ARHGAP17: variants seen among roughly 807,000 people sequenced by gnomAD.
ARHGAP17 encodes rho GTPase-activating protein 17.
A neutral mutation model predicts 99.5 loss-of-function variants in ARHGAP17; 57 were observed. The observed-to-expected ratio is 0.57, with a 90% CI of 0.46 to 0.71. The LOEUF (loss-of-function observed/expected upper bound fraction) is 0.71. Ranked by LOEUF, ARHGAP17 falls within the 30% of genes least tolerant of loss-of-function variation. ARHGAP17 has a pLI of 0.00. For synonymous variants in ARHGAP17, 417 were observed against 429.6 expected, an observed-to-expected ratio of 0.97 and a Z score of 0.36; for missense variants, 1,000 against 1,122.4, an observed-to-expected ratio of 0.89 and a Z score of 1.56.
chr16:24,940,611 G>C (rs1255412524), intron 16 of ARHGAP17, among the ~76,000 whole-genome samples: 1 of 152,280 alleles, frequency 6.6e-6, no homozygotes, highest in South Asian at 2.1e-4. Flanking sequence ...TGAGGTGGGA[G>C]GGCTGCCTGA....
chr16:24,951,052 T>A (rs545386879), intron 12 of ARHGAP17, among the ~76,000 whole-genome samples: 45 of 151,304 alleles, frequency 3.0e-4, no homozygotes, highest in African/African-American at 1.1e-3. Context: ...TGGTGAGGAG[T>A]AGGCACTCTG....
intron 3 of ARHGAP17, 141 bp downstream of exon 3, chr16:24,977,074 C>T: frequency 4.1e-6 from 2 of 486,636 alleles, no homozygotes; most frequent in Non-Finnish European, 6.9e-6. Context: ...TATGGTCACG[C>T]AGGTGTCATG....
chr16:24,942,509 G>A (rs2051342349), intron 15 of ARHGAP17, among the ~76,000 whole-genome samples: 1 of 152,192 alleles, frequency 6.6e-6, no homozygotes, highest in Non-Finnish European at 1.5e-5. Context: ...GCTCATGCCT[G>A]CAATCTCAGC....
At chr16:24,973,412 T>C (rs961461657) in intron 3 of ARHGAP17, among the ~76,000 whole-genome samples, 7 of 152,182 alleles carry the variant, frequency 4.6e-5, no homozygotes, top group African/African-American at 1.7e-4. Flanking sequence ...TCCATATTAG[T>C]CTTCTCTCAC....
Position 24,939,604 on chromosome 16 carries a change from A to G in ARHGAP17, c.1491-7T>C, listed in dbSNP as rs766081670. Reference sequence around the variant, plus strand: ...CATAAGCTTCACACCAAAGCTACACAGAGAGAAGAAACAGTCAACACACCA... The same window carrying G: ...CATAAGCTTCACACCAAAGCTACACGGAGAGAAGAAACAGTCAACACACCA... On this transcript the variant is annotated splice_region_variant and splice_polypyrimidine_tract_variant and intron_variant, in intron 16 of 19. Coordinates refer to ENST00000289968, the MANE Select transcript of ARHGAP17 (RefSeq NM_001006634.3). 6.9e-6 allele frequency: 11 copies of G among 1,597,724 alleles called. No individual in the cohort carries two copies. The highest frequency in any genetic ancestry group is 9.4e-6 in the Non-Finnish European group (11 of 1,172,644).
intron 17 of ARHGAP17, chr16:24,936,248 G>A (rs1229745797): frequency 6.3e-6 from 1 of 157,662 alleles, no homozygotes; most frequent in African/African-American, 2.4e-5. Flanking sequence ...ACTACTCGAA[G>A]TCCAGAGTTG....
intron 18 of ARHGAP17, 118 bp from the exon 19 acceptor site, chr16:24,931,522 G>C: frequency 4.8e-6 from 5 of 1,032,202 alleles, no homozygotes; most frequent in Non-Finnish European, 6.6e-6. Flanking sequence ...ATGTACCTCT[G>C]ATGAGAGGTG....
chr16:24,919,986 C>G lies in ARHGAP17; in HGVS notation c.*144G>C. The G allele has an allele frequency of 8.1e-7, 1 of 1,227,750 alleles. No homozygotes were observed. Among genetic ancestry groups the G allele is most frequent in the Non-Finnish European group, 1.1e-6 (1 of 889,798 alleles). 76.1% of individuals were successfully genotyped at this position (1,227,750 alleles called of 1,614,324 possible). On this transcript the variant is annotated 3_prime_UTR_variant, in exon 20 of 20. Coordinates refer to ENST00000289968, the MANE Select transcript of ARHGAP17 (RefSeq NM_001006634.3). ...GCCTCCAGGTTCTCCTTGGGCCGTG[C>G]AGAAGGCCAGGTCCCGCACAGTGAG...
Position 24,934,847 on chromosome 16 carries a change from G to A in ARHGAP17, c.1894+623C>T, listed in dbSNP as rs145485592. ...AATGTTCTGGAAGCCCTAAGGAGGG[G>A]ATGAACTTAGTTCATTCAAGGAACC... On this transcript the variant is annotated intron_variant, in intron 18 of 19. Coordinates refer to ENST00000289968, the MANE Select transcript of ARHGAP17 (RefSeq NM_001006634.3). 2.3e-3 allele frequency among the ~76,000 whole-genome samples: 354 copies of A among 152,296 alleles called. 2 individuals carry two copies. The highest frequency in any genetic ancestry group is 8.2e-3 in the African/African-American group (341 of 41,566).
intron 1 of ARHGAP17, 142 bp downstream of exon 1, chr16:25,015,067 C>A (rs889342247): frequency 6.0e-6 from 5 of 828,012 alleles, no homozygotes; most frequent in Non-Finnish European, 7.5e-6. Flanking sequence ...GCGCAGCCCC[C>A]GGGCCCGTGC....
intron 15 of ARHGAP17, among the ~76,000 whole-genome samples, chr16:24,942,928 T>C (rs1333742755): frequency 2.0e-5 from 3 of 152,184 alleles, no homozygotes; most frequent in African/African-American, 7.2e-5. Context: ...CCATCCTCAC[T>C]GGGCAACCTA....
chr16:24,934,612 C>G (rs1298702792), intron 18 of ARHGAP17, among the ~76,000 whole-genome samples: 3 of 152,072 alleles, frequency 2.0e-5, no homozygotes, highest in Non-Finnish European at 4.4e-5. Flanking sequence ...TGTCACCACA[C>G]CCAGATAATT....
chr16:24,945,022 C>T lies in ARHGAP17; in HGVS notation c.1242-1160G>A, dbSNP rs570294977. Reference sequence around the variant, plus strand: ...GTGTTCAGATGTTAATAGTGTCTGACGCCAAGGCTCAAAAAGAAGAAAATA... The same window carrying T: ...GTGTTCAGATGTTAATAGTGTCTGATGCCAAGGCTCAAAAAGAAGAAAATA... On this transcript the variant is annotated intron_variant, in intron 14 of 19. Coordinates refer to ENST00000289968, the MANE Select transcript of ARHGAP17 (RefSeq NM_001006634.3). Among the ~76,000 whole-genome samples, 175 of 151,996 alleles carry T rather than the reference C, an allele frequency of 1.2e-3. 1 individual carries two copies. The highest frequency in any genetic ancestry group is 2.0e-3 in the Non-Finnish European group (139 of 67,964).
chr16:24,947,385 T>C, intron 14 of ARHGAP17, 97 bp downstream of exon 14: 1 of 1,098,040 alleles, frequency 9.1e-7, no homozygotes, highest in East Asian at 2.6e-5. Context: ...TACCTTGAAT[T>C]GATCTTAAAC....
At chr16:25,003,003 C>T (rs985058635) in intron 1 of ARHGAP17, among the ~76,000 whole-genome samples, 18 of 130,906 alleles carry the variant, frequency 1.4e-4, no homozygotes, top group African/African-American at 5.0e-4. Flanking sequence ...TATGCCACTG[C>T]ACTCCAGCCT....
intron 1 of ARHGAP17, among the ~76,000 whole-genome samples, chr16:25,000,928 T>C (rs1398749451): frequency 6.6e-6 from 1 of 152,206 alleles, no homozygotes; most frequent in African/African-American, 2.4e-5. Context: ...GTTGTGTGGT[T>C]CGAAAATGAG....
chr16:24,972,050 G>A (rs1276190159), intron 3 of ARHGAP17, among the ~76,000 whole-genome samples: 1 of 152,234 alleles, frequency 6.6e-6, no homozygotes, highest in East Asian at 1.9e-4. Flanking sequence ...CACCTGCCCA[G>A]CAGAAAGGGC....
chr16:25,001,795 T>C (rs374564658), intron 1 of ARHGAP17, among the ~76,000 whole-genome samples: 35 of 152,256 alleles, frequency 2.3e-4, no homozygotes, highest in African/African-American at 8.2e-4. Flanking sequence ...TAAACCATAC[T>C]GATGCAGGCT....
At chr16:24,930,641 A>G (rs2050955556) in intron 19 of ARHGAP17, 143 bp downstream of exon 19, 10 of 1,420,448 alleles carry the variant, frequency 7.0e-6, no homozygotes, top group Non-Finnish European at 8.9e-6. Flanking sequence ...TTTAATGACA[A>G]AAACTGGCTG....
Sources: allele counts gnomAD v4.1 joint callset (sites outside exome capture counted in the v4.1 genomes callset), GRCh38; gene constraint gnomAD v4.1.1; transcripts MANE v1.5; gene names NCBI Gene and HGNC (gene_info 2026-07-23, HGNC 2026-07-21).